Variants in THSD4 observed in about 807,000 individuals in gnomAD.
THSD4 encodes the protein thrombospondin type-1 domain-containing protein 4.
In THSD4, 69 loss-of-function variants were observed where a neutral mutation model predicts 119.0. The ratio of observed to expected loss-of-function variants is 0.58; its 90% confidence interval spans 0.48 to 0.71. The LOEUF is 0.71. THSD4 is among the 30% of genes least tolerant of loss of function. The pLI is 0.00. For synonymous variants in THSD4, 524 were observed against 540.4 expected (o/e 0.97, Z 0.42); for missense variants, 1,393 against 1,391.1 (o/e 1.00, Z -0.02).
chr15:71,772,498 CAT>C (rs2053839879), intron 17 of THSD4, among the ~76,000 whole-genome samples: 1 of 152,172 alleles, frequency 6.6e-6, no homozygotes, highest in Non-Finnish European at 1.5e-5. Flanking sequence ...GAAACATTAA[CAT>C]GTTCCTGAAT....
At chr15:71,483,070 A>C (rs2047758359) in intron 7 of THSD4, among the ~76,000 whole-genome samples, 1 of 152,204 alleles carries the variant, frequency 6.6e-6, no homozygotes, top group Non-Finnish European at 1.5e-5. Context: ...AATAGGTATT[A>C]AGATTGCTAA....
chr15:71,351,448 T>C (rs4777372), intron 6 of THSD4, among the ~76,000 whole-genome samples: 39,299 of 152,194 alleles, frequency 0.26, 5,854 homozygotes, highest in Middle Eastern at 0.39. Context: ...TTGCTTCTGT[T>C]GATTGATTTT....
At chr15:71,122,425 G>T (rs1472907670) in intron 1 of THSD4, among the ~76,000 whole-genome samples, 1 of 152,126 alleles carries the variant, frequency 6.6e-6, no homozygotes, top group Non-Finnish European at 1.5e-5. Context: ...TGGCGGTGGG[G>T]CCGGAGGGAG....
At chr15:71,134,284 G>T (rs951465208) in intron 1 of THSD4, among the ~76,000 whole-genome samples, 1 of 152,230 alleles carries the variant, frequency 6.6e-6, no homozygotes, top group Non-Finnish European at 1.5e-5. Context: ...CAAGGTCAGC[G>T]TCCCTGAATA....
intron 1 of THSD4, among the ~76,000 whole-genome samples, chr15:71,136,192 A>G (rs1363603234): frequency 1.3e-5 from 2 of 151,766 alleles, no homozygotes; most frequent in Non-Finnish European, 1.5e-5. Flanking sequence ...ACGATCCAGT[A>G]AAAGCCAATT....
intron 8 of THSD4, among the ~76,000 whole-genome samples, chr15:71,698,542 T>A (rs533848655): frequency 6.6e-6 from 1 of 151,118 alleles, no homozygotes; most frequent in Non-Finnish European, 1.5e-5. Context: ...CTCCCTTATT[T>A]CTTGCAGCAT....
At chr15:71,120,386 A>G (rs528477513) in intron 1 of THSD4, among the ~76,000 whole-genome samples, 6 of 152,158 alleles carry the variant, frequency 3.9e-5, no homozygotes, top group Admixed American at 3.9e-4. Flanking sequence ...TGTACTGCCT[A>G]TGTTGTCTTC....
intron 7 of THSD4, among the ~76,000 whole-genome samples, chr15:71,543,163 T>A (rs538912455): frequency 6.6e-6 from 1 of 152,238 alleles, no homozygotes; most frequent in South Asian, 2.1e-4. Context: ...CATAAATGTA[T>A]CATAGTTATG....
At chr15:71,199,710 G>GATGCATGTGTA (rs2043768397) in intron 3 of THSD4, among the ~76,000 whole-genome samples, 1 of 149,022 alleles carries the variant, frequency 6.7e-6, no homozygotes, top group African/African-American at 2.5e-5. Context: ...GTGTCTGGGT[G>GATGCATGTGTA]TGTGGTGTGT....
At chr15:71,168,100 T>A (rs1357029528) in intron 3 of THSD4, among the ~76,000 whole-genome samples, 1 of 152,254 alleles carries the variant, frequency 6.6e-6, no homozygotes, top group Non-Finnish European at 1.5e-5. Context: ...TTCTTGGCAA[T>A]TAATTAAAGA....
chr15:71,249,521 C>T (rs1359904467), intron 5 of THSD4, among the ~76,000 whole-genome samples: 1 of 151,396 alleles, frequency 6.6e-6, no homozygotes, highest in Non-Finnish European at 1.5e-5. Flanking sequence ...TATATATACA[C>T]ACACACATTT....
In THSD4 at chr15:71,608,247, TATACAC is replaced by T. The variant is rs1409081186; in HGVS notation, c.1153-52281_1153-52276del. 1.2e-3 allele frequency among the ~76,000 whole-genome samples: 84 copies of T among 71,712 alleles called. 1 individual carries two copies. The highest frequency in any genetic ancestry group is 3.0e-3 in the African/African-American group (79 of 25,916). The allele number at this position is 71,712 out of a possible 152,430, so 47.0% of individuals were successfully genotyped here. The stretch of plus-strand genomic sequence containing the variant: ...CAAAAAAAAAAAAAAAATATATATA[TATACAC>T]ACACACACACACACACACACACACA... On this transcript the variant is annotated intron_variant, in intron 7 of 17. Transcript: ENST00000261862.
intron 5 of THSD4, among the ~76,000 whole-genome samples, chr15:71,244,608 G>C (rs2044183243): frequency 6.6e-6 from 1 of 152,172 alleles, no homozygotes; most frequent in South Asian, 2.1e-4. Flanking sequence ...AGTCTTCATT[G>C]AGCATCATTG....
chr15:71,103,347 T>C (rs2040261317), intron 1 of THSD4, among the ~76,000 whole-genome samples: 1 of 152,160 alleles, frequency 6.6e-6, no homozygotes, highest in African/African-American at 2.4e-5. Flanking sequence ...TCTCCAAACA[T>C]GTGGTATGGT....
intron 7 of THSD4, among the ~76,000 whole-genome samples, chr15:71,544,261 A>G (rs1246308690): frequency 6.6e-6 from 1 of 152,182 alleles, no homozygotes; most frequent in East Asian, 1.9e-4. Context: ...ACTGCCACCT[A>G]CCGCTGTGTG....
intron 6 of THSD4, among the ~76,000 whole-genome samples, chr15:71,405,498 C>A (rs553293638): frequency 6.6e-5 from 10 of 152,276 alleles, no homozygotes; most frequent in African/African-American, 2.4e-4. Context: ...ATCAATTGTC[C>A]ATAAATGTAA....
At chr15:71,446,610 G>A (rs552943125) in intron 7 of THSD4, among the ~76,000 whole-genome samples, 9 of 152,294 alleles carry the variant, frequency 5.9e-5, no homozygotes, top group Non-Finnish European at 8.8e-5. Context: ...AAAATCCAAT[G>A]CAAAGGCTTA....
At chr15:71,504,986 G>A (rs2048166949) in intron 7 of THSD4, among the ~76,000 whole-genome samples, 1 of 152,150 alleles carries the variant, frequency 6.6e-6, no homozygotes, top group Non-Finnish European at 1.5e-5. Context: ...CTCAAAATGA[G>A]TTTTTCAGAT....
chr15:71,554,658 A>G (rs926732225), intron 7 of THSD4, among the ~76,000 whole-genome samples: 11 of 151,680 alleles, frequency 7.3e-5, no homozygotes, highest in African/African-American at 2.4e-4. Context: ...AGACTCCCCA[A>G]CTACTAAGAT....
Sources: allele counts gnomAD v4.1 joint callset (sites outside exome capture counted in the v4.1 genomes callset), GRCh38; gene constraint gnomAD v4.1.1; transcripts MANE v1.5; gene names NCBI Gene and HGNC (gene_info 2026-07-23, HGNC 2026-07-21).